Variants in SV2C observed in about 807,000 individuals in gnomAD.
SV2C encodes synaptic vesicle glycoprotein 2C.
A neutral mutation model predicts 79.7 loss-of-function variants in SV2C; 49 were observed. The ratio of observed to expected loss-of-function variants is 0.61; its 90% CI spans 0.49 to 0.78. The LOEUF is 0.78. SV2C is among the 30% of genes least tolerant of loss of function. SV2C has a pLI of 0.00. For synonymous variants in SV2C, 334 were observed against 333.2 expected (o/e 1.00, Z -0.03); for missense variants, 833 against 912.9 (o/e 0.91, Z 1.13).
intron 2 of SV2C, among the ~76,000 whole-genome samples, chr5:76,188,158 G>A (rs1291299196): frequency 6.6e-6 from 1 of 152,136 alleles, no homozygotes; most frequent in African/African-American, 2.4e-5. Flanking sequence ...CTATTTGGGA[G>A]GCTGAGGTAG....
At chr5:75,936,728 G>A in the SV2C span, among the ~76,000 whole-genome samples, 1 of 152,158 alleles carries the variant, frequency 6.6e-6, no homozygotes, top group African/African-American at 2.4e-5. Context: ...TCTTCATTTT[G>A]CTTTATACCT....
the SV2C span, among the ~76,000 whole-genome samples, chr5:76,038,336 G>A: frequency 3.3e-5 from 5 of 152,222 alleles, no homozygotes; most frequent in Non-Finnish European, 7.3e-5. Flanking sequence ...GGGGATTGAG[G>A]GTTAGGGGAA....
At chr5:76,297,111 T>C (rs1747798160) in intron 9 of SV2C, among the ~76,000 whole-genome samples, 1 of 152,246 alleles carries the variant, frequency 6.6e-6, no homozygotes, top group Admixed American at 6.5e-5. Context: ...AGCAATATAA[T>C]GATTACTAAT....
At chr5:76,165,980 G>A (rs1743035085) in intron 2 of SV2C, among the ~76,000 whole-genome samples, 1 of 152,154 alleles carries the variant, frequency 6.6e-6, no homozygotes, top group South Asian at 2.1e-4. Context: ...CTCCAGTCAA[G>A]AATGAGGGGT....
In SV2C at chr5:76,092,677, G is replaced by A. The variant is rs548469030; in HGVS notation, c.-102+9165G>A. Among the ~76,000 whole-genome samples the A allele has an allele frequency of 5.3e-5, 8 of 152,096 alleles. No homozygotes were observed. The South Asian group carries it at 1.0e-3, about 20-fold the overall frequency. On this transcript the variant is annotated intron_variant, in intron 1 of 12. Coordinates refer to ENST00000502798, the MANE Select transcript of SV2C (RefSeq NM_014979.4). ...TTTAGGCACATTTTTCACTCTACTC[G>A]ACTGTGTATTTGACGGGATGGGAGA...
At chr5:76,119,903 T>C (rs1748424115) in intron 1 of SV2C, among the ~76,000 whole-genome samples, 1 of 152,184 alleles carries the variant, frequency 6.6e-6, no homozygotes, top group Non-Finnish European at 1.5e-5. Flanking sequence ...TAATATCTAT[T>C]GATATTTACC....
the SV2C span, chr5:75,921,443 C>A: frequency 1.2e-6 from 1 of 803,160 alleles, no homozygotes; most frequent in African/African-American, 1.7e-5. Flanking sequence ...CCAGCTTGAA[C>A]TTCTTGCCAT....
intron 4 of SV2C, among the ~76,000 whole-genome samples, chr5:76,251,000 G>T (rs1348863019): frequency 6.6e-6 from 1 of 152,094 alleles, no homozygotes; most frequent in African/African-American, 2.4e-5. Flanking sequence ...GGGTCCTATT[G>T]TTTCCCCGAC....
At chr5:76,221,126 G>A (rs1745052703) in intron 4 of SV2C, among the ~76,000 whole-genome samples, 1 of 152,138 alleles carries the variant, frequency 6.6e-6, no homozygotes, top group South Asian at 2.1e-4. Context: ...GTTTAAGTGT[G>A]GCCCTTCCAT....
At chr5:76,175,575 A>G (rs1396562140) in intron 2 of SV2C, among the ~76,000 whole-genome samples, 1 of 152,200 alleles carries the variant, frequency 6.6e-6, no homozygotes, top group Non-Finnish European at 1.5e-5. Flanking sequence ...TATCCCAGAC[A>G]ACTTCCTGTT....
chr5:76,307,772 C>T (rs1361086786), intron 12 of SV2C, among the ~76,000 whole-genome samples: 1 of 152,148 alleles, frequency 6.6e-6, no homozygotes, highest in Non-Finnish European at 1.5e-5. Context: ...CTGTCTCCTC[C>T]ATTCTGCTGT....
rs555771482 is a variant in SV2C at position 76,179,773 on chromosome 5, C to T, written c.581-15146C>T. On this transcript the variant is annotated intron_variant, in intron 2 of 12. Coordinates refer to ENST00000502798, the MANE Select transcript of SV2C (RefSeq NM_014979.4). Reference sequence around the variant, plus strand: ...TGCAAGGTAGATCCCGCTATTTATTCACTCACTGCTCTGGGCTGACAACTT... The same window carrying T: ...TGCAAGGTAGATCCCGCTATTTATTTACTCACTGCTCTGGGCTGACAACTT... Among the ~76,000 whole-genome samples, 9 of 152,332 alleles carry T rather than the reference C, an allele frequency of 5.9e-5. 1 individual carries two copies. The South Asian group carries it at 1.9e-3, about 32-fold the overall frequency.
chr5:76,273,401 T>C (rs930135338), intron 4 of SV2C, among the ~76,000 whole-genome samples: 10 of 151,980 alleles, frequency 6.6e-5, no homozygotes, highest in African/African-American at 2.4e-4. Context: ...TCTTACATGT[T>C]GGCCCCAGGA....
At chr5:76,095,224 C>G (rs983597318) in intron 1 of SV2C, among the ~76,000 whole-genome samples, 1 of 151,996 alleles carries the variant, frequency 6.6e-6, no homozygotes, top group Non-Finnish European at 1.5e-5. Context: ...CCCAGTTACT[C>G]CACCCTCATG....
At chr5:75,999,627 T>C in the SV2C span, among the ~76,000 whole-genome samples, 2 of 145,836 alleles carry the variant, frequency 1.4e-5, no homozygotes, top group South Asian at 4.4e-4. Context: ...AATCGGTGGG[T>C]GGGGTGAATT....
chr5:76,113,862 C>T (rs1748171005), intron 1 of SV2C, among the ~76,000 whole-genome samples: 1 of 152,096 alleles, frequency 6.6e-6, no homozygotes, highest in Non-Finnish European at 1.5e-5. Context: ...CAGTGGCTAC[C>T]TAGATCTCTT....
the SV2C span, among the ~76,000 whole-genome samples, chr5:76,077,025 G>T: frequency 2.0e-5 from 3 of 152,182 alleles, no homozygotes; most frequent in Admixed American, 2.0e-4. Context: ...GAGGATGGCT[G>T]TTTAAGAAGT....
chr5:75,996,961 T>C, the SV2C span, among the ~76,000 whole-genome samples: 1 of 140,408 alleles, frequency 7.1e-6, no homozygotes, highest in Non-Finnish European at 1.6e-5. Flanking sequence ...CTTTTCCTAA[T>C]TGAATACCCT....
chr5:76,193,694 T>A (rs1037562463), intron 2 of SV2C, among the ~76,000 whole-genome samples: 2 of 152,216 alleles, frequency 1.3e-5, no homozygotes, highest in Non-Finnish European at 2.9e-5. Context: ...CAGTTGAGCC[T>A]GGTGAAATGG....
Sources: allele counts gnomAD v4.1 joint callset (sites outside exome capture counted in the v4.1 genomes callset), GRCh38; gene constraint gnomAD v4.1.1; transcripts MANE v1.5; gene names NCBI Gene and HGNC (gene_info 2026-07-23, HGNC 2026-07-21).